TTC7A: variants seen among roughly 807,000 people sequenced by gnomAD.
TTC7A encodes tetratricopeptide repeat protein 7A.
In TTC7A, 110 loss-of-function variants were observed where a neutral mutation model predicts 103.7. That is an observed-to-expected ratio of 1.06 (90% confidence interval 0.91 to 1.24). The LOEUF is 1.24. Among genes scored for constraint, TTC7A ranks in the 50% most tolerant of loss-of-function variants. The pLI, the probability that TTC7A is intolerant of heterozygous loss-of-function variation, is 0.00. For synonymous variants in TTC7A, 521 were observed against 467.9 expected (o/e 1.11, Z -1.47); for missense variants, 1,340 against 1,116.3 (o/e 1.20, Z -2.86).
chr2:46,995,097 G>T lies in TTC7A; in HGVS notation c.1002-39G>T, dbSNP rs114356926. On this transcript the variant is annotated intron_variant, in intron 7 of 19. Transcript: ENST00000319190. ...TGGGTCAGTGGTGCTGTCTGGTGAG[G>T]TGTGTGCTCTAGCCAGGCCTGTCAT... The T allele has an allele frequency of 0.05, 80,699 of 1,606,644 alleles. 2,188 individuals carry two copies. The highest frequency in any genetic ancestry group is 0.07 in the Middle Eastern group (425 of 6,038).
intron 2 of TTC7A, among the ~76,000 whole-genome samples, chr2:46,931,941 G>A (rs947871687): frequency 6.6e-6 from 1 of 152,148 alleles, no homozygotes. Context: ...GAAATGTGAG[G>A]ACGGTTTAAC....
intron 2 of TTC7A, among the ~76,000 whole-genome samples, chr2:46,918,318 T>C (rs964693437): frequency 6.6e-6 from 1 of 152,258 alleles, no homozygotes; most frequent in Admixed American, 6.5e-5. Context: ...AGCCTGTTGA[T>C]GCTATCAAAA....
At chr2:46,970,393 G>A (rs531763503) in intron 3 of TTC7A, among the ~76,000 whole-genome samples, 19 of 152,358 alleles carry the variant, frequency 1.2e-4, no homozygotes, top group African/African-American at 4.3e-4. Context: ...GGAAGGTGGA[G>A]GCCCACAGAC....
Position 47,074,225 on chromosome 2 carries a change from C to G in TTC7A, c.*302C>G, listed in dbSNP as rs1179897046. The G allele has an allele frequency of 6.8e-6, 3 of 437,978 alleles. No homozygotes were observed. Among genetic ancestry groups the G allele is most frequent in the East Asian group, 4.6e-5 (1 of 21,764 alleles). The allele number at this position is 437,978 out of a possible 1,614,324, so 27.1% of individuals were successfully genotyped here. Reference sequence around the variant, plus strand: ...GGGAGCCTCACAGCTGTCCTTCACCCTCACCCATGCCTCTGGCTTGGAGTC... The same window carrying G: ...GGGAGCCTCACAGCTGTCCTTCACCGTCACCCATGCCTCTGGCTTGGAGTC... On this transcript the variant is annotated 3_prime_UTR_variant, in exon 20 of 20. Transcript: ENST00000319190.
chr2:46,937,080 T>G (rs1670016660), upstream of TTC7A, among the ~76,000 whole-genome samples: 1 of 152,108 alleles, frequency 6.6e-6, no homozygotes, highest in African/African-American at 2.4e-5. This position sits in a 1 kb window ranked among gnomAD's most constrained non-coding sequence, Gnocchi z 4.0. Flanking sequence ...CGTCTCGAAC[T>G]CCTGAGCTCA....
chr2:47,049,889 C>G (rs1682697295), intron 16 of TTC7A, 60 bp from the exon 17 acceptor site: 1 of 1,308,016 alleles, frequency 7.6e-7, no homozygotes, highest in Non-Finnish European at 1.1e-6. Flanking sequence ...CTCTACCTCA[C>G]TGGGCCCTGT....
intron 18 of TTC7A, among the ~76,000 whole-genome samples, chr2:47,052,327 G>A (rs542656737): frequency 1.4e-4 from 22 of 152,298 alleles, no homozygotes; most frequent in Non-Finnish European, 2.2e-4. Flanking sequence ...GCCACCAGGC[G>A]TCTGAAGGCC....
intron 1 of TTC7A, among the ~76,000 whole-genome samples, chr2:46,946,200 C>T (rs1046596327): frequency 6.6e-5 from 10 of 152,072 alleles, no homozygotes; most frequent in African/African-American, 7.2e-5. Flanking sequence ...TTGCTGAGGG[C>T]AAGGTGCTGA....
chr2:46,949,650 G>A (rs903552359), intron 1 of TTC7A, among the ~76,000 whole-genome samples: 7 of 152,166 alleles, frequency 4.6e-5, no homozygotes, highest in Non-Finnish European at 1.0e-4. Flanking sequence ...CAACATGTTC[G>A]AGGATTTGCC....
intron 19 of TTC7A, among the ~76,000 whole-genome samples, chr2:47,071,394 CCAG>C (rs1244026156): frequency 1.3e-5 from 2 of 152,150 alleles, no homozygotes; most frequent in Non-Finnish European, 2.9e-5. Flanking sequence ...ATGCCCTCTC[CCAG>C]CTTCTAGAGA....
chr2:47,062,806 G>A (rs1409378059), intron 19 of TTC7A, among the ~76,000 whole-genome samples: 1 of 152,228 alleles, frequency 6.6e-6, no homozygotes, highest in Non-Finnish European at 1.5e-5. Context: ...TAGCCATCCA[G>A]AGTGGCTCCC....
intron 15 of TTC7A, among the ~76,000 whole-genome samples, chr2:47,030,267 A>G (rs1680389608): frequency 6.6e-6 from 1 of 152,220 alleles, no homozygotes; most frequent in Non-Finnish European, 1.5e-5. Flanking sequence ...ACGCTGTGTA[A>G]ACAGGTTCAC....
At chr2:46,920,793 C>T (rs1669064203) in intron 2 of TTC7A, among the ~76,000 whole-genome samples, 1 of 152,066 alleles carries the variant, frequency 6.6e-6, no homozygotes, top group South Asian at 2.1e-4. Flanking sequence ...TGGCAAACTT[C>T]TGAGGTCTCC....
chr2:46,993,224 G>A (rs1273219347), intron 5 of TTC7A, among the ~76,000 whole-genome samples: 2 of 152,218 alleles, frequency 1.3e-5, no homozygotes, highest in African/African-American at 4.8e-5. Flanking sequence ...TTGCTGGGGG[G>A]AAAGAGGGAA....
At chr2:46,935,652 G>A (rs987679036) in intron 2 of TTC7A, among the ~76,000 whole-genome samples, 1 of 152,150 alleles carries the variant, frequency 6.6e-6, no homozygotes, top group South Asian at 2.1e-4. Context: ...ATCCAACTGA[G>A]ACCTCCTCAA....
intron 14 of TTC7A, among the ~76,000 whole-genome samples, chr2:47,024,763 C>T (rs1679704134): frequency 6.6e-6 from 1 of 152,160 alleles, no homozygotes; most frequent in Non-Finnish European, 1.5e-5. Context: ...CCCCAAGCTA[C>T]TCCTTCACTG....
chr2:47,047,244 G>T (rs1473552179), intron 16 of TTC7A: 1 of 1,479,426 alleles, frequency 6.8e-7, no homozygotes, highest in Non-Finnish European at 9.2e-7. Flanking sequence ...CCCCAGTCTG[G>T]TGTATATTTG....
intron 5 of TTC7A, 60 bp downstream of exon 5, chr2:46,978,967 G>C: frequency 7.9e-7 from 1 of 1,263,558 alleles, no homozygotes. Context: ...GGCTTTTGAC[G>C]TGGCCTTAAG....
Position 47,010,691 on chromosome 2 carries a change from T to C in TTC7A, c.1288-640T>C, listed in dbSNP as rs543852717. On this transcript the variant is annotated intron_variant, in intron 10 of 19. Coordinates refer to ENST00000319190, the MANE Select transcript of TTC7A (RefSeq NM_020458.4). Reference sequence around the variant, plus strand: ...ATTGGCCATGCCTCCAGAGTCCTTATTTATTTGTTTGTTTGTTTGTTTGTT... The same window carrying C: ...ATTGGCCATGCCTCCAGAGTCCTTACTTATTTGTTTGTTTGTTTGTTTGTT... Among the ~76,000 whole-genome samples, 222 of 152,034 alleles carry C rather than the reference T, an allele frequency of 1.5e-3. 11 individuals carry two copies. In the South Asian group the frequency reaches 0.045, roughly 31 times the overall value.
Sources: gnomAD v4.1 joint callset for allele counts (sites outside exome capture counted in the v4.1 genomes callset) on GRCh38, gnomAD v4.1.1 for gene constraint, Gnocchi (gnomAD v3.1) non-coding constraint, MANE v1.5 for transcripts, NCBI Gene and HGNC (gene_info 2026-07-23, HGNC 2026-07-21) for gene names.